The following SLC17A5 variants were observed in gnomAD, a reference collection of about 807,000 sequenced individuals.
The protein encoded by SLC17A5 is solute carrier family 17 member 5, also known as sialin.
SLC17A5 carries 47 observed loss-of-function variants against 59.4 expected under a neutral mutation model. The observed-to-expected ratio is 0.79, with a 90% CI of 0.63 to 1.01. The LOEUF (loss-of-function observed/expected upper bound fraction) is 1.01, where lower values mean the gene tolerates loss of function less well. Ranked by LOEUF, SLC17A5 falls within the 50% of genes least tolerant of loss-of-function variation. The probability of loss-of-function intolerance (pLI) is 0.00; values close to 1 mark genes in which losing one functional copy is unlikely to be tolerated. For missense variants in SLC17A5, 522 were observed against 595.5 expected (o/e 0.88, Z 1.28); for synonymous variants, 202 against 210.7 (o/e 0.96, Z 0.36).
At chr6:73,611,469 G>C (rs1767634634) in intron 8 of SLC17A5, among the ~76,000 whole-genome samples, 1 of 152,048 alleles carries the variant, frequency 6.6e-6, no homozygotes, top group South Asian at 2.1e-4. Context: ...TAGTAGAGAT[G>C]GGGTTTCGCC....
In SLC17A5 at chr6:73,602,982, AAAT is replaced by A. The variant is rs371069517; in HGVS notation, c.1260-2544_1260-2542del. ...TGAAAATTAATACGAAAAAAGAAAAAAATAATGAAGTAAAATTACCTATAATTC... is the reference window on the plus strand; with the variant it reads ...TGAAAATTAATACGAAAAAAGAAAAAAATGAAGTAAAATTACCTATAATTC... On this transcript the variant is annotated intron_variant, in intron 9 of 10. Coordinates refer to ENST00000355773, the MANE Select transcript of SLC17A5 (RefSeq NM_012434.5). Among the ~76,000 whole-genome samples the A allele has an allele frequency of 3.2e-4, 49 of 152,270 alleles. No individual in the cohort carries two copies. The South Asian group carries it at 8.9e-3, about 28-fold the overall frequency.
intron 6 of SLC17A5, among the ~76,000 whole-genome samples, chr6:73,629,552 C>T (rs1283091702): frequency 6.6e-6 from 1 of 152,126 alleles, no homozygotes; most frequent in African/African-American, 2.4e-5. Context: ...GCTGGTAGAT[C>T]ACCTGAGGTT....
chr6:73,638,122 A>C (rs1370662293), intron 4 of SLC17A5, among the ~76,000 whole-genome samples: 1 of 152,160 alleles, frequency 6.6e-6, no homozygotes, highest in African/African-American at 2.4e-5. Context: ...CAAAAAAGTA[A>C]ACAGAAAAAG....
intron 3 of SLC17A5, among the ~76,000 whole-genome samples, chr6:73,640,672 C>T (rs1350273129): frequency 2.0e-5 from 3 of 152,048 alleles, no homozygotes; most frequent in Admixed American, 6.6e-5. Context: ...ATACACCATT[C>T]CCTGGATTTC....
chr6:73,639,261 ACTCT>A (rs1462279571), intron 3 of SLC17A5, among the ~76,000 whole-genome samples: 1 of 152,136 alleles, frequency 6.6e-6, no homozygotes, highest in Non-Finnish European at 1.5e-5. Context: ...CTCCTTGGAC[ACTCT>A]CTGTGTCACT....
At chr6:73,636,548 A>T in intron 5 of SLC17A5, 73 bp downstream of exon 5, 2 of 865,454 alleles carry the variant, frequency 2.3e-6, no homozygotes, top group Admixed American at 1.9e-5. Context: ...ATATATTTTT[A>T]AAACATTATT....
In SLC17A5 at chr6:73,641,709, T is replaced by G. The variant is rs369334689; in HGVS notation, c.507A>C (p.Ala169=). 9.3e-6 allele frequency: 15 copies of G among 1,612,922 alleles called. No homozygotes were observed. The highest frequency in any genetic ancestry group is 1.3e-5 in the Non-Finnish European group (15 of 1,178,972). The change falls in exon 3 of 11, where the codon GCA becomes GCC. Residue 169 remains alanine, a synonymous_variant. Transcript: ENST00000355773. ...AAATTACCTCTCCTAGTCCTTCTAG[T>G]GCTCTGAGTACAATGAGTGGTCCAA... The part of the protein sequence containing the change: ...LGVGPLIVLR[A]LEGLGEGVTF...
intron 10 of SLC17A5, among the ~76,000 whole-genome samples, chr6:73,599,065 C>T (rs189835533): frequency 5.7e-4 from 87 of 151,918 alleles, no homozygotes; most frequent in African/African-American, 2.1e-3. Context: ...GCCTGTAGTT[C>T]CAGCTACCTG....
At chr6:73,611,800 TA>T (rs112521520) in intron 8 of SLC17A5, among the ~76,000 whole-genome samples, 62,899 of 151,428 alleles carry the variant, frequency 0.42, 13,839 homozygotes, top group African/African-American at 0.56. Context: ...TGAGGAACTT[TA>T]AAAAAAGTTC....
intron 3 of SLC17A5, among the ~76,000 whole-genome samples, chr6:73,638,868 G>GTT (rs1769149048): frequency 6.6e-6 from 1 of 151,984 alleles, no homozygotes; most frequent in Non-Finnish European, 1.5e-5. Flanking sequence ...AAGACAACAA[G>GTT]ATAAGGGTTA....
rs1767213671 is a variant in SLC17A5, at chr6:73,602,851, T to A, written c.1260-2410A>T. ...CCTTTTTATAGTGATATAGGAAAGTTCTGAGATATCATTTTCATACAGAAA... is the reference window on the plus strand; with the variant it reads ...CCTTTTTATAGTGATATAGGAAAGTACTGAGATATCATTTTCATACAGAAA... On this transcript the variant is annotated intron_variant, in intron 9 of 10. Coordinates refer to ENST00000355773, the MANE Select transcript of SLC17A5 (RefSeq NM_012434.5). Among the ~76,000 whole-genome samples the A allele has an allele frequency of 2.0e-5, 3 of 152,048 alleles. No homozygotes were observed. The South Asian group carries it at 6.2e-4, about 31-fold the overall frequency.
intron 2 of SLC17A5, among the ~76,000 whole-genome samples, 175 bp from the exon 3 acceptor site, chr6:73,642,099 T>C (rs2150118687): frequency 6.6e-6 from 1 of 152,308 alleles, no homozygotes; most frequent in East Asian, 1.9e-4. Flanking sequence ...ATACAGTATT[T>C]AGAAGTGAAT....
intron 1 of SLC17A5, 39 bp downstream of exon 1, chr6:73,653,754 G>A (rs956643036): frequency 4.6e-6 from 7 of 1,525,016 alleles, no homozygotes; most frequent in Non-Finnish European, 6.2e-6. Context: ...CCCCGGTACC[G>A]CTGCCCACTC....
At chr6:73,633,257 A>G (rs1768849256) in intron 6 of SLC17A5, among the ~76,000 whole-genome samples, 1 of 147,084 alleles carries the variant, frequency 6.8e-6, no homozygotes, top group South Asian at 2.1e-4. Context: ...TTAAAACTTT[A>G]TTACAGTGCT....
At chr6:73,622,298 CT>C (rs1189610313) in intron 6 of SLC17A5, among the ~76,000 whole-genome samples, 8,095 of 116,606 alleles carry the variant, frequency 0.069, 631 homozygotes, top group African/African-American at 0.24. Flanking sequence ...TTCTTTCTTT[CT>C]TTTTTTTTTT....
At position 73,600,436 on chromosome 6, in the gene SLC17A5, G is replaced by T; in HGVS notation, c.1265C>A (p.Ala422Asp). ...ATTTGTGATGCCCAGGAGGATACCAGCATACCTGTAGAAACATTTTCATAG... is the reference window on the plus strand; with the variant it reads ...ATTTGTGATGCCCAGGAGGATACCATCATACCTGTAGAAACATTTTCATAG... ...INHLDIAPSY[A>D]GILLGITNTF... The change falls in exon 10 of 11, where the codon GCT (alanine) becomes GAT (aspartate). Residue 422 changes from alanine (A) to aspartate (D), a missense_variant. By Grantham distance (126) the Ala-to-Asp change is moderately radical. Around this residue, in one of 3 missense-constraint regions of SLC17A5, gnomAD observed 153 missense variants for 168.5 expected, o/e 0.91. Coordinates refer to ENST00000355773, the MANE Select transcript of SLC17A5 (RefSeq NM_012434.5). The T allele has an allele frequency of 6.2e-7, 1 of 1,611,468 alleles. No homozygotes were observed. Among genetic ancestry groups the T allele is most frequent in the African/African-American group, 1.3e-5 (1 of 74,848 alleles).
At chr6:73,646,399 T>C (rs1769566527) in intron 1 of SLC17A5, among the ~76,000 whole-genome samples, 1 of 152,234 alleles carries the variant, frequency 6.6e-6, no homozygotes, top group African/African-American at 2.4e-5. Context: ...ATTATTTTTT[T>C]TTCCCTGTGT....
intron 6 of SLC17A5, among the ~76,000 whole-genome samples, chr6:73,628,869 T>C (rs1047760598): frequency 9.2e-5 from 14 of 151,740 alleles, no homozygotes; most frequent in Non-Finnish European, 4.4e-5. Context: ...ACTCGACAAA[T>C]ACTTGAATAT....
At chr6:73,652,916 TC>T (rs761120988) in intron 1 of SLC17A5, 8 of 399,046 alleles carry the variant, frequency 2.0e-5, no homozygotes, top group Non-Finnish European at 2.7e-5. Context: ...ACTGATTTGT[TC>T]TTTAGTTTTC....
Sources: gnomAD v4.1 joint callset for allele counts (sites outside exome capture counted in the v4.1 genomes callset) on GRCh38, gnomAD v4.1.1 for gene constraint, gnomAD v4.1.1 regional missense constraint, MANE v1.5 for transcripts, NCBI Gene and HGNC (gene_info 2026-07-23, HGNC 2026-07-21) for gene names.